The following EXOC6B variants were observed in gnomAD, a reference collection of about 807,000 sequenced individuals.
The protein encoded by EXOC6B is SEC15 homolog B.
Under a neutral mutation model 113.5 loss-of-function variants are expected in EXOC6B, and 54 were observed. The observed-to-expected ratio is 0.48, with a 90% CI of 0.38 to 0.60. The LOEUF (loss-of-function observed/expected upper bound fraction) is 0.60. EXOC6B is among the 20% of genes least tolerant of loss of function. The pLI is 0.00. For missense variants in EXOC6B, 797 were observed against 977.5 expected (o/e 0.82, Z 2.46); for synonymous variants, 357 against 339.0 (o/e 1.05, Z -0.58).
At chr2:72,402,626 TG>T (rs1313157035) in intron 18 of EXOC6B, among the ~76,000 whole-genome samples, 1 of 152,208 alleles carries the variant, frequency 6.6e-6, no homozygotes, top group East Asian at 1.9e-4. Flanking sequence ...ATAGAATTCC[TG>T]GGCTTTCTCA....
intron 20 of EXOC6B, among the ~76,000 whole-genome samples, chr2:72,243,794 A>T (rs77233320): frequency 0.011 from 1,626 of 152,308 alleles, 30 homozygotes; most frequent in African/African-American, 0.036. Flanking sequence ...AAAGAAAATT[A>T]TCAGGGATAA....
intron 6 of EXOC6B, among the ~76,000 whole-genome samples, chr2:72,686,412 T>G (rs1677093855): frequency 6.6e-6 from 1 of 152,184 alleles, no homozygotes; most frequent in Admixed American, 6.5e-5. Flanking sequence ...AAGAGAGAGA[T>G]ACTCTCTTAG....
chr2:72,351,214 T>G (rs956680079), intron 19 of EXOC6B, among the ~76,000 whole-genome samples: 2 of 152,262 alleles, frequency 1.3e-5, no homozygotes, highest in African/African-American at 4.8e-5. Context: ...AAGAAAAATT[T>G]TATTAGGAAA....
intron 19 of EXOC6B, among the ~76,000 whole-genome samples, chr2:72,338,733 A>T (rs1010101242): frequency 6.6e-6 from 1 of 152,112 alleles, no homozygotes; most frequent in Non-Finnish European, 1.5e-5. Flanking sequence ...AATTTCAACT[A>T]TATAAAATAT....
At chr2:72,691,415 C>T (rs570888970) in intron 6 of EXOC6B, among the ~76,000 whole-genome samples, 2 of 151,022 alleles carry the variant, frequency 1.3e-5, no homozygotes, top group South Asian at 2.1e-4. Flanking sequence ...ATAAATCTAC[C>T]GAGAAATAGA....
intron 20 of EXOC6B, among the ~76,000 whole-genome samples, chr2:72,316,790 GAAGGGGCATACAA>G (rs1480468368): frequency 6.6e-6 from 1 of 152,190 alleles, no homozygotes; most frequent in African/African-American, 2.4e-5. Flanking sequence ...CATTTGTAAT[GAAGGGGCATACAA>G]AATGTCAGGG....
chr2:72,562,824 G>A (rs549455294), intron 7 of EXOC6B, among the ~76,000 whole-genome samples: 1 of 152,126 alleles, frequency 6.6e-6, no homozygotes, highest in South Asian at 2.1e-4. Flanking sequence ...AGATACTGGA[G>A]TCTGTATTTT....
chr2:72,567,235 G>T (rs568886176), intron 7 of EXOC6B, among the ~76,000 whole-genome samples: 1 of 151,922 alleles, frequency 6.6e-6, no homozygotes, highest in Non-Finnish European at 1.5e-5. Context: ...AGCCAAAAGC[G>T]TTTGAACATA....
At chr2:72,220,194 C>T (rs999768355) in intron 20 of EXOC6B, among the ~76,000 whole-genome samples, 5 of 152,164 alleles carry the variant, frequency 3.3e-5, no homozygotes, top group African/African-American at 4.8e-5. Context: ...TGCTGGCATT[C>T]GTATTTTCCA....
chr2:72,390,313 A>T (rs1692293638), intron 18 of EXOC6B, among the ~76,000 whole-genome samples: 1 of 152,204 alleles, frequency 6.6e-6, no homozygotes, highest in African/African-American at 2.4e-5. Flanking sequence ...ACCTTTAAAT[A>T]TTGAATATAT....
intron 20 of EXOC6B, among the ~76,000 whole-genome samples, chr2:72,234,083 C>CTT (rs34660222): frequency 0.16 from 20,505 of 131,728 alleles, 1,771 homozygotes; most frequent in African/African-American, 0.18. Flanking sequence ...TGGACCGCCT[C>CTT]TTTTTTTTTT....
intron 20 of EXOC6B, among the ~76,000 whole-genome samples, chr2:72,228,410 C>A: frequency 7.5e-6 from 1 of 132,798 alleles, no homozygotes; most frequent in Non-Finnish European, 1.6e-5. Flanking sequence ...AATGCTATCC[C>A]TCCCCCCTCC....
At chr2:72,240,351 A>C (rs79377035) in intron 20 of EXOC6B, among the ~76,000 whole-genome samples, 2,835 of 152,300 alleles carry the variant, frequency 0.019, 71 homozygotes, top group African/African-American at 0.064. Flanking sequence ...ATATATCCAA[A>C]CAGAAAAATG....
chr2:72,697,478 G>T (rs1347334206), intron 6 of EXOC6B, among the ~76,000 whole-genome samples: 1 of 152,028 alleles, frequency 6.6e-6, no homozygotes, highest in Non-Finnish European at 1.5e-5. Context: ...TTGAACTCAG[G>T]AGTTCAAGAC....
In EXOC6B at chr2:72,372,781, T is replaced by C. The variant is rs529738391; in HGVS notation, c.2122+6948A>G. Among the ~76,000 whole-genome samples the C allele has an allele frequency of 3.3e-5, 5 of 151,950 alleles. No homozygotes were observed. In the South Asian group the frequency reaches 8.3e-4, roughly 25 times the overall value. ...AATTGCTTGAACCTGGGAGGCAGAA[T>C]TGCAGTGAGCCAAGACTGCACCATT... On this transcript the variant is annotated intron_variant, in intron 19 of 21. Coordinates refer to ENST00000272427, the MANE Select transcript of EXOC6B (RefSeq NM_015189.3).
intron 20 of EXOC6B, among the ~76,000 whole-genome samples, chr2:72,237,905 C>T (rs1404193133): frequency 6.6e-6 from 1 of 151,250 alleles, no homozygotes; most frequent in Non-Finnish European, 1.5e-5. Context: ...TTTTTTTTAA[C>T]AGCTTAGTTA....
intron 21 of EXOC6B, 24 bp from the exon 22 acceptor site, chr2:72,179,485 G>C: frequency 6.2e-7 from 1 of 1,613,536 alleles, no homozygotes; most frequent in South Asian, 1.1e-5. Flanking sequence ...GAAAGAAAGA[G>C]GGCAACATGT....
chr2:72,246,966 C>A (rs1682703257), intron 20 of EXOC6B, among the ~76,000 whole-genome samples: 1 of 152,100 alleles, frequency 6.6e-6, no homozygotes, highest in Admixed American at 6.6e-5. Flanking sequence ...TGAGTTTCCA[C>A]AATATAGTTT....
chr2:72,299,910 A>G (rs6731988), intron 20 of EXOC6B, among the ~76,000 whole-genome samples: 31,013 of 152,082 alleles, frequency 0.2, 5,866 homozygotes, highest in African/African-American at 0.51. Flanking sequence ...CTTCCTCTGG[A>G]AACTTCGTCC....
Sources: gnomAD v4.1 joint callset for allele counts (sites outside exome capture counted in the v4.1 genomes callset) on GRCh38, gnomAD v4.1.1 for gene constraint, MANE v1.5 for transcripts, NCBI Gene and HGNC (gene_info 2026-07-23, HGNC 2026-07-21) for gene names.